Variants in ZNF407 observed in about 807,000 individuals in gnomAD.
ZNF407 encodes zinc finger protein 407.
In ZNF407, 17 loss-of-function variants were observed where a neutral mutation model predicts 131.2. That is an observed-to-expected ratio of 0.13 (90% confidence interval 0.09 to 0.19). The LOEUF (loss-of-function observed/expected upper bound fraction) is 0.19. ZNF407 is among the 10% of genes least tolerant of loss of function. ZNF407 has a pLI of 1.00. For synonymous variants in ZNF407, 1,156 were observed against 1,062.0 expected, an observed-to-expected ratio of 1.09 and a Z score of -1.72; for missense variants, 2,681 against 2,830.6, an observed-to-expected ratio of 0.95 and a Z score of 1.20.
chr18:74,876,261 C>G (rs989083735), intron 4 of ZNF407, among the ~76,000 whole-genome samples: 1 of 152,184 alleles, frequency 6.6e-6, no homozygotes, highest in Non-Finnish European at 1.5e-5. Context: ...TGCTTGTCAA[C>G]TCGTTATAAT....
chr18:74,599,096 C>T (rs1287384348), intron 1 of ZNF407, among the ~76,000 whole-genome samples: 1 of 152,216 alleles, frequency 6.6e-6, no homozygotes, highest in African/African-American at 2.4e-5. Context: ...CTCATCAGAA[C>T]CTTATTAAGA....
In ZNF407 at chr18:74,859,266, T is replaced by C. The variant is rs1021839796; in HGVS notation, c.4878-17931T>C. Among the ~76,000 whole-genome samples, 68 of 152,338 alleles carry C rather than the reference T, an allele frequency of 4.5e-4. 1 individual carries two copies. Among genetic ancestry groups the C allele is most frequent in the African/African-American group, 1.6e-3 (65 of 41,586 alleles). On this transcript the variant is annotated intron_variant, in intron 4 of 8. Transcript: ENST00000299687. ...TACCATTATAAGTAACATCACCCTT[T>C]GTGATTCCCAAAACTGTTTCTATCA...
intron 5 of ZNF407, among the ~76,000 whole-genome samples, chr18:74,878,824 AT>A (rs965750447): frequency 4.0e-5 from 6 of 150,442 alleles, no homozygotes; most frequent in African/African-American, 1.2e-4. Flanking sequence ...TTTTCTTAAA[AT>A]TTTTTTTCTC....
chr18:75,052,169 T>C (rs1273930203), intron 8 of ZNF407, among the ~76,000 whole-genome samples: 2 of 152,200 alleles, frequency 1.3e-5, no homozygotes, highest in East Asian at 1.9e-4. Flanking sequence ...TATGTATGCA[T>C]GTGTATGTAT....
At chr18:75,004,598 T>C (rs549977252) in intron 8 of ZNF407, among the ~76,000 whole-genome samples, 30 of 152,326 alleles carry the variant, frequency 2.0e-4, no homozygotes, top group African/African-American at 6.7e-4. Flanking sequence ...TCCTGTCCGA[T>C]TCATTCAATC....
At chr18:74,675,989 GCTT>G (rs1986341042) in intron 3 of ZNF407, among the ~76,000 whole-genome samples, 1 of 152,032 alleles carries the variant, frequency 6.6e-6, no homozygotes, top group South Asian at 2.1e-4. Flanking sequence ...AATATATTAT[GCTT>G]CTGCATGTAT....
intron 3 of ZNF407, among the ~76,000 whole-genome samples, chr18:74,651,536 A>G (rs1232264018): frequency 6.6e-6 from 1 of 152,178 alleles, no homozygotes; most frequent in East Asian, 1.9e-4. Flanking sequence ...GTTCACAGCC[A>G]TGTATTTTCT....
intron 3 of ZNF407, among the ~76,000 whole-genome samples, chr18:74,748,728 CTATGATCTT>C (rs1458998434): frequency 6.6e-6 from 1 of 152,066 alleles, no homozygotes; most frequent in East Asian, 1.9e-4. Context: ...TGGCAGTATC[CTATGATCTT>C]CACATCAAAA....
intron 8 of ZNF407, among the ~76,000 whole-genome samples, chr18:74,927,443 T>G (rs572632038): frequency 1.8e-4 from 27 of 152,342 alleles, no homozygotes; most frequent in South Asian, 8.3e-4. Context: ...AAAAACACCA[T>G]GGTAAATGTT....
intron 3 of ZNF407, among the ~76,000 whole-genome samples, chr18:74,666,597 C>T (rs1174633070): frequency 6.6e-6 from 1 of 152,134 alleles, no homozygotes; most frequent in Non-Finnish European, 1.5e-5. Flanking sequence ...GAAGTAAGCA[C>T]CTTGAGACTG....
At chr18:74,835,215 G>C (rs538806079) in intron 4 of ZNF407, among the ~76,000 whole-genome samples, 1 of 152,264 alleles carries the variant, frequency 6.6e-6, no homozygotes, top group Admixed American at 6.5e-5. Flanking sequence ...CTGCATCAAG[G>C]CGGACATCTG....
intron 7 of ZNF407, among the ~76,000 whole-genome samples, chr18:74,908,939 A>C (rs749652773): frequency 2.6e-5 from 4 of 152,076 alleles, no homozygotes; most frequent in Non-Finnish European, 4.4e-5. Context: ...AAATAAATGT[A>C]ATTAACTTCT....
intron 4 of ZNF407, among the ~76,000 whole-genome samples, chr18:74,819,932 C>T (rs1036609201): frequency 3.3e-5 from 5 of 152,148 alleles, no homozygotes; most frequent in African/African-American, 9.7e-5. Context: ...TAGTGGCCGG[C>T]GCAGTGCCTG....
intron 8 of ZNF407, among the ~76,000 whole-genome samples, chr18:75,020,429 A>G (rs1316257316): frequency 1.3e-5 from 2 of 152,082 alleles, no homozygotes; most frequent in Non-Finnish European, 1.5e-5. Flanking sequence ...GGGCACTACA[A>G]TGTGAAACTT....
intron 8 of ZNF407, among the ~76,000 whole-genome samples, chr18:74,959,040 C>A (rs1318082210): frequency 1.3e-5 from 2 of 152,314 alleles, no homozygotes; most frequent in Non-Finnish European, 2.9e-5. Context: ...ATTTTACTTA[C>A]TGAACATTTT....
chr18:74,880,670 G>A (rs772026177), intron 5 of ZNF407, among the ~76,000 whole-genome samples: 1 of 152,136 alleles, frequency 6.6e-6, no homozygotes. Flanking sequence ...ACTATTCCAA[G>A]CAATCTTTAC....
chr18:74,704,109 C>G (rs992698965), intron 3 of ZNF407, among the ~76,000 whole-genome samples: 1 of 152,124 alleles, frequency 6.6e-6, no homozygotes, highest in Non-Finnish European at 1.5e-5. Context: ...TCAGGCATGG[C>G]CATGAGGAGG....
intron 8 of ZNF407, among the ~76,000 whole-genome samples, chr18:75,021,138 C>T (rs1464651016): frequency 1.3e-5 from 2 of 151,968 alleles, no homozygotes; most frequent in Non-Finnish European, 2.9e-5. Context: ...CATCTGATTT[C>T]AAAGCTCTAA....
chr18:75,046,142 T>C lies in ZNF407; in HGVS notation c.5429-17008T>C, dbSNP rs532027237. Among the ~76,000 whole-genome samples the C allele has an allele frequency of 2.6e-3, 403 of 152,330 alleles. 1 individual carries two copies. Among genetic ancestry groups the C allele is most frequent in the Non-Finnish European group, 4.5e-3 (306 of 68,016 alleles). ...CTACAATTAGCCCATTAATTTTTAG[T>C]CTGCATAACACAGTCAGCTGCTATA... On this transcript the variant is annotated intron_variant, in intron 8 of 8. Coordinates refer to ENST00000299687, the MANE Select transcript of ZNF407 (RefSeq NM_017757.3).
Sources: gnomAD v4.1 joint callset for allele counts (sites outside exome capture counted in the v4.1 genomes callset) on GRCh38, gnomAD v4.1.1 for gene constraint, MANE v1.5 for transcripts, NCBI Gene and HGNC (gene_info 2026-07-23, HGNC 2026-07-21) for gene names.